Variants in WDFY3 observed in about 807,000 individuals in gnomAD.
WDFY3 encodes the protein WD repeat and FYVE domain containing 3.
In WDFY3, 66 loss-of-function variants were observed where a neutral mutation model predicts 409.6. The ratio of observed to expected loss-of-function variants is 0.16; its 90% CI spans 0.13 to 0.20. The LOEUF is 0.20. Ranked by LOEUF, WDFY3 falls within the 10% of genes least tolerant of loss-of-function variation. The probability of loss-of-function intolerance (pLI) is 1.00; values close to 1 mark genes in which losing one functional copy is unlikely to be tolerated. For missense variants in WDFY3, 3,031 were observed against 4,298.1 expected (o/e 0.71, Z 8.24); for synonymous variants, 1,521 against 1,537.1 (o/e 0.99, Z 0.25).
chr4:84,682,332 A>G (rs1727508876), intron 64 of WDFY3, 42 bp downstream of exon 64: 2 of 1,573,508 alleles, frequency 1.3e-6, no homozygotes, highest in Non-Finnish European at 8.7e-7. Context: ...CTTAAAAGAA[A>G]TATGAAAACG....
At chr4:84,782,858 T>A in intron 25 of WDFY3, 105 bp downstream of exon 25, 1 of 911,098 alleles carries the variant, frequency 1.1e-6, no homozygotes, top group East Asian at 2.4e-5. Flanking sequence ...TATAGGTCAG[T>A]GCTATTAAAA....
Position 84,783,068 on chromosome 4 carries a change from T to A in WDFY3, c.4069A>T (p.Ile1357Phe), listed in dbSNP as rs773408649. 6.2e-7 allele frequency: 1 copy of A among 1,612,858 alleles called. No homozygotes were observed. The highest frequency in any genetic ancestry group is 8.5e-7 in the Non-Finnish European group (1 of 1,179,522). Reference protein sequence around the residue: ...DSKAIAKQLGISSHENATPVK... With the variant: ...DSKAIAKQLGFSSHENATPVK... ...GGAGTGGCATTCTCATGTGAGGAAA[T>A]GCCTAACTGAAAAATAGGAAAGGAA... The change falls in exon 25 of 68, where the codon ATT becomes TTT. Residue 1357 changes from isoleucine to phenylalanine, a missense_variant. Physicochemically the swap from Ile to Phe is conservative, Grantham distance 21. Coordinates refer to ENST00000295888, the MANE Select transcript of WDFY3 (RefSeq NM_014991.6).
At chr4:84,839,332 C>T (rs1273659312) in intron 6 of WDFY3, among the ~76,000 whole-genome samples, 2 of 152,044 alleles carry the variant, frequency 1.3e-5, no homozygotes, top group Admixed American at 1.3e-4. Context: ...CATACATTTA[C>T]AGCTACCATC....
chr4:84,940,459 A>G (rs1336356962), intron 1 of WDFY3, among the ~76,000 whole-genome samples: 1 of 152,074 alleles, frequency 6.6e-6, no homozygotes, highest in South Asian at 2.1e-4. Context: ...AGCCAAAACT[A>G]TATTTTTTAA....
At chr4:84,959,331 T>C (rs903546867) in intron 1 of WDFY3, among the ~76,000 whole-genome samples, 1 of 152,152 alleles carries the variant, frequency 6.6e-6, no homozygotes, top group African/African-American at 2.4e-5. Context: ...AGACCACAAT[T>C]TCACATTTTA....
intron 3 of WDFY3, among the ~76,000 whole-genome samples, chr4:84,864,365 CAAAAAAAA>C (rs35016773): frequency 2.1e-4 from 7 of 32,560 alleles, no homozygotes; most frequent in South Asian, 1.1e-3. Context: ...GACTCCATCT[CAAAAAAAA>C]AAAAAAAAAA....
intron 3 of WDFY3, among the ~76,000 whole-genome samples, chr4:84,866,237 G>T (rs568659090): frequency 6.6e-6 from 1 of 152,246 alleles, no homozygotes; most frequent in East Asian, 1.9e-4. Flanking sequence ...GAACCATGGT[G>T]GGACAGGATA....
chr4:84,756,753 G>C (rs1388760489), intron 33 of WDFY3, among the ~76,000 whole-genome samples, 173 bp downstream of exon 33: 3 of 151,946 alleles, frequency 2.0e-5, no homozygotes, highest in Non-Finnish European at 4.4e-5. Flanking sequence ...TAGGGACAAA[G>C]GACTTTTTGG....
intron 1 of WDFY3, among the ~76,000 whole-genome samples, chr4:84,953,650 A>G (rs1361665675): frequency 6.6e-6 from 1 of 152,104 alleles, no homozygotes; most frequent in East Asian, 1.9e-4. Context: ...AGCAAGAGTA[A>G]GATTCTCATA....
intron 2 of WDFY3, among the ~76,000 whole-genome samples, chr4:84,928,746 C>T (rs575318757): frequency 6.6e-6 from 1 of 152,292 alleles, no homozygotes; most frequent in East Asian, 1.9e-4. Flanking sequence ...TTAATAACCT[C>T]AGACCTCTTA....
At chr4:84,756,905 C>A (rs376620120) in intron 33 of WDFY3, 21 bp downstream of exon 33, 21 of 1,607,778 alleles carry the variant, frequency 1.3e-5, no homozygotes, top group Non-Finnish European at 1.8e-5. Flanking sequence ...TTTCACGCAC[C>A]CCTTGCTAGA....
chr4:84,929,534 G>A (rs1452393135), intron 2 of WDFY3, among the ~76,000 whole-genome samples: 1 of 150,836 alleles, frequency 6.6e-6, no homozygotes, highest in Non-Finnish European at 1.5e-5. Context: ...GACCTTTGAA[G>A]CTAGGGTCTT....
chr4:84,958,585 C>G (rs961940391), intron 1 of WDFY3, among the ~76,000 whole-genome samples: 4 of 152,120 alleles, frequency 2.6e-5, no homozygotes, highest in African/African-American at 9.7e-5. Flanking sequence ...AAGAAAGGCT[C>G]AGAGGCAGGA....
chr4:84,855,705 C>T (rs1759667091), intron 4 of WDFY3, among the ~76,000 whole-genome samples: 2 of 152,148 alleles, frequency 1.3e-5, no homozygotes. Flanking sequence ...AAATAATTTG[C>T]TATAAATAAC....
At chr4:84,769,438 G>A (rs920854231) in intron 30 of WDFY3, among the ~76,000 whole-genome samples, 4 of 151,752 alleles carry the variant, frequency 2.6e-5, no homozygotes, top group Non-Finnish European at 4.4e-5. Flanking sequence ...TTTTTGAGAC[G>A]AAGTCTCACT....
intron 10 of WDFY3, among the ~76,000 whole-genome samples, chr4:84,824,686 T>A (rs537077126): frequency 1.3e-5 from 2 of 152,180 alleles, no homozygotes; most frequent in African/African-American, 4.8e-5. Context: ...CACAACCATA[T>A]CCACTTGTCA....
At chr4:84,804,346 T>C (rs189323311) in intron 15 of WDFY3, among the ~76,000 whole-genome samples, 9 of 152,312 alleles carry the variant, frequency 5.9e-5, no homozygotes, top group African/African-American at 2.2e-4. Context: ...CAGAGAGCAA[T>C]GCAGTTTTAG....
intron 3 of WDFY3, among the ~76,000 whole-genome samples, chr4:84,882,533 G>A (rs963894544): frequency 1.1e-4 from 17 of 152,004 alleles, no homozygotes; most frequent in African/African-American, 3.9e-4. Flanking sequence ...TGTATATTAT[G>A]TATATATAAT....
intron 38 of WDFY3, among the ~76,000 whole-genome samples, chr4:84,740,966 TTAAG>T (rs2149225863): frequency 6.6e-6 from 1 of 152,296 alleles, no homozygotes; most frequent in East Asian, 1.9e-4. Context: ...ACTTTCTACA[TTAAG>T]TATTAAATAA....
Sources: allele counts gnomAD v4.1 joint callset (sites outside exome capture counted in the v4.1 genomes callset), GRCh38; gene constraint gnomAD v4.1.1; transcripts MANE v1.5; gene names NCBI Gene and HGNC (gene_info 2026-07-23, HGNC 2026-07-21).